Variants in ITFG1 observed in about 807,000 individuals in gnomAD.
The protein encoded by ITFG1 is T-cell immunomodulatory protein.
A neutral mutation model predicts 81.8 loss-of-function variants in ITFG1; 34 were observed. The observed-to-expected ratio is 0.42, with a 90% CI of 0.32 to 0.55. The LOEUF (loss-of-function observed/expected upper bound fraction) is 0.55. Ranked by LOEUF, ITFG1 falls within the 20% of genes least tolerant of loss-of-function variation. The pLI is 0.17. For missense variants in ITFG1, 672 were observed against 755.4 expected (o/e 0.89, Z 1.29); for synonymous variants, 285 against 270.6 (o/e 1.05, Z -0.52).
chr16:47,362,915 A>G (rs975941179), intron 8 of ITFG1, among the ~76,000 whole-genome samples: 3 of 150,640 alleles, frequency 2.0e-5, no homozygotes, highest in African/African-American at 7.4e-5. Context: ...TTATTTTTTG[A>G]GAGGGGGTCT....
At chr16:47,380,994 G>C (rs2151592283) in intron 6 of ITFG1, among the ~76,000 whole-genome samples, 1 of 152,304 alleles carries the variant, frequency 6.6e-6, no homozygotes, top group South Asian at 2.1e-4. Context: ...AGAAACTACA[G>C]AGACATAGAC....
chr16:47,363,223 G>A (rs1968132009), intron 8 of ITFG1, among the ~76,000 whole-genome samples: 1 of 152,064 alleles, frequency 6.6e-6, no homozygotes, highest in Admixed American at 6.6e-5. Context: ...AGACAAGGAT[G>A]TTACCTTTAA....
At chr16:47,382,412 A>G (rs1356791389) in intron 6 of ITFG1, among the ~76,000 whole-genome samples, 1 of 152,238 alleles carries the variant, frequency 6.6e-6, no homozygotes, top group Non-Finnish European at 1.5e-5. Flanking sequence ...TTTTAAGTTC[A>G]TTATCTTCTA....
intron 8 of ITFG1, among the ~76,000 whole-genome samples, chr16:47,336,685 C>T (rs186399695): frequency 5.3e-5 from 8 of 152,222 alleles, no homozygotes; most frequent in South Asian, 4.1e-4. Flanking sequence ...AATTAGGGGT[C>T]GGGCATGGTG....
At chr16:47,374,279 A>G (rs1968296155) in intron 7 of ITFG1, among the ~76,000 whole-genome samples, 1 of 152,194 alleles carries the variant, frequency 6.6e-6, no homozygotes, top group East Asian at 1.9e-4. Flanking sequence ...CCAGCCCTTT[A>G]TAAGAAGAAA....
At chr16:47,456,692 T>TA (rs550072378) in intron 2 of ITFG1, among the ~76,000 whole-genome samples, 1,020 of 94,978 alleles carry the variant, frequency 0.011, 11 homozygotes, top group Middle Eastern at 0.037. Context: ...ACTCTGTCTC[T>TA]AAAAAAAAAA....
chr16:47,272,024 A>G (rs1966346899), intron 10 of ITFG1, among the ~76,000 whole-genome samples: 1 of 152,244 alleles, frequency 6.6e-6, no homozygotes, highest in Non-Finnish European at 1.5e-5. Context: ...ATGTCCATCA[A>G]CTGAAGGATG....
chr16:47,262,193 G>C (rs992615579), intron 10 of ITFG1, among the ~76,000 whole-genome samples: 2 of 151,978 alleles, frequency 1.3e-5, no homozygotes, highest in African/African-American at 4.8e-5. Context: ...AAAACAAATA[G>C]TTTACCAGAA....
intron 7 of ITFG1, among the ~76,000 whole-genome samples, chr16:47,372,557 G>A (rs575811321): frequency 7.7e-4 from 117 of 151,512 alleles, no homozygotes; most frequent in Non-Finnish European, 1.3e-3. Flanking sequence ...GGGTTCAAGC[G>A]ATTCTTCTGC....
intron 14 of ITFG1, among the ~76,000 whole-genome samples, chr16:47,214,375 T>C (rs1382638006): frequency 2.0e-5 from 3 of 152,188 alleles, no homozygotes; most frequent in Non-Finnish European, 4.4e-5. Flanking sequence ...TATGGCCAAA[T>C]AAGTCGTTTA....
chr16:47,213,091 G>T (rs1965583224), intron 14 of ITFG1, among the ~76,000 whole-genome samples: 1 of 152,018 alleles, frequency 6.6e-6, no homozygotes, highest in African/African-American at 2.4e-5. Context: ...TTTTTGATAT[G>T]TTGTATTTTT....
At chr16:47,411,266 G>A (rs1356649050) in intron 6 of ITFG1, among the ~76,000 whole-genome samples, 1 of 152,190 alleles carries the variant, frequency 6.6e-6, no homozygotes, top group Non-Finnish European at 1.5e-5. Flanking sequence ...GTATGGGCCA[G>A]GAAGGGTGTC....
At chr16:47,273,499 G>A (rs1163556021) in intron 10 of ITFG1, among the ~76,000 whole-genome samples, 1 of 152,118 alleles carries the variant, frequency 6.6e-6, no homozygotes, top group Non-Finnish European at 1.5e-5. Flanking sequence ...ACAAGAAATA[G>A]TCAAAGGCAA....
chr16:47,373,528 G>A (rs543113869), intron 7 of ITFG1, among the ~76,000 whole-genome samples: 7 of 152,112 alleles, frequency 4.6e-5, no homozygotes, highest in Admixed American at 6.5e-5. Context: ...TGATCTGGCC[G>A]CCTCAGCCTC....
intron 6 of ITFG1, among the ~76,000 whole-genome samples, chr16:47,428,078 G>A (rs1310758061): frequency 6.6e-6 from 1 of 152,210 alleles, no homozygotes; most frequent in Non-Finnish European, 1.5e-5. Context: ...AGGTTGCAGT[G>A]AGCTGTGATC....
chr16:47,399,570 C>G (rs1281215560), intron 6 of ITFG1, among the ~76,000 whole-genome samples: 1 of 147,150 alleles, frequency 6.8e-6, no homozygotes, highest in East Asian at 2.0e-4. Context: ...GAGACTCCGT[C>G]TCAAAAAAAA....
intron 10 of ITFG1, chr16:47,263,341 G>A: frequency 2.1e-6 from 1 of 478,052 alleles, no homozygotes. Flanking sequence ...CCTATGATCT[G>A]GCCCATGAGG....
intron 8 of ITFG1, among the ~76,000 whole-genome samples, chr16:47,323,622 T>A (rs935348988): frequency 6.6e-6 from 1 of 151,522 alleles, no homozygotes; most frequent in Non-Finnish European, 1.5e-5. Context: ...CCTTGATGAT[T>A]TTTTTTCCTA....
At chr16:47,435,041 T>TTA (rs1274293180) in intron 5 of ITFG1, among the ~76,000 whole-genome samples, 1 of 151,998 alleles carries the variant, frequency 6.6e-6, no homozygotes, top group African/African-American at 2.4e-5. Flanking sequence ...GGCAGAGGCT[T>TTA]GGAGGGAGAG....
Sources: gnomAD v4.1 joint callset for allele counts (sites outside exome capture counted in the v4.1 genomes callset) on GRCh38, gnomAD v4.1.1 for gene constraint, MANE v1.5 for transcripts, NCBI Gene and HGNC (gene_info 2026-07-23, HGNC 2026-07-21) for gene names.